OXR1: variants seen among roughly 807,000 people sequenced by gnomAD.
The protein encoded by OXR1 is oxidation resistance protein 1.
In OXR1, 41 loss-of-function variants were observed where a neutral mutation model predicts 104.6. That is an observed-to-expected ratio of 0.39 (90% CI 0.31 to 0.51). The LOEUF (loss-of-function observed/expected upper bound fraction) is 0.51. Ranked by LOEUF, OXR1 falls within the 20% of genes least tolerant of loss-of-function variation. OXR1 has a pLI of 0.77. For synonymous variants in OXR1, 348 were observed against 348.4 expected (o/e 1.00, Z 0.01); for missense variants, 955 against 1,031.9 (o/e 0.93, Z 1.02).
At chr8:106,748,337 T>C (rs1006613200) in intron 16 of OXR1, among the ~76,000 whole-genome samples, 1 of 152,216 alleles carries the variant, frequency 6.6e-6, no homozygotes, top group East Asian at 1.9e-4. Context: ...TATCACAGAC[T>C]CTGGATTGTT....
At chr8:106,602,529 G>C (rs1031879551) in intron 3 of OXR1, among the ~76,000 whole-genome samples, 2 of 152,176 alleles carry the variant, frequency 1.3e-5, no homozygotes, top group Admixed American at 6.5e-5. Context: ...GTGGATGGTG[G>C]TGCTGTCTAG....
chr8:106,586,804 T>A (rs1324094263), intron 3 of OXR1, among the ~76,000 whole-genome samples: 1 of 152,010 alleles, frequency 6.6e-6, no homozygotes, highest in Admixed American at 6.6e-5. Flanking sequence ...AAGATAGAGA[T>A]AAATGTGTTG....
chr8:106,357,524 C>T (rs1230540184), intron 1 of OXR1, among the ~76,000 whole-genome samples: 1 of 152,082 alleles, frequency 6.6e-6, no homozygotes, highest in Non-Finnish European at 1.5e-5. Context: ...ATGGTTCTTG[C>T]TTTATTCCTT....
intron 3 of OXR1, among the ~76,000 whole-genome samples, chr8:106,652,418 A>G (rs1448357496): frequency 6.6e-6 from 1 of 152,146 alleles, no homozygotes; most frequent in Non-Finnish European, 1.5e-5. Context: ...AATTGTACCA[A>G]GTATGTTCTC....
At chr8:106,554,886 T>C (rs1816143348) in intron 3 of OXR1, among the ~76,000 whole-genome samples, 1 of 152,224 alleles carries the variant, frequency 6.6e-6, no homozygotes, top group Admixed American at 6.5e-5. Flanking sequence ...TTGATATTTT[T>C]ATTTATTTTA....
chr8:106,513,558 C>G (rs145746529), intron 2 of OXR1, among the ~76,000 whole-genome samples: 136 of 152,288 alleles, frequency 8.9e-4, no homozygotes, highest in African/African-American at 3.0e-3. Context: ...ATCCTTCACT[C>G]CTCCCTCAAA....
intron 3 of OXR1, among the ~76,000 whole-genome samples, chr8:106,591,350 C>T (rs1221886222): frequency 1.9e-4 from 27 of 142,450 alleles, no homozygotes; most frequent in East Asian, 4.5e-4. Flanking sequence ...TGCTAAATGA[C>T]GAGTTAATGG....
At chr8:106,306,710 A>C in intron 1 of OXR1, among the ~76,000 whole-genome samples, 1 of 152,180 alleles carries the variant, frequency 6.6e-6, no homozygotes, top group East Asian at 1.9e-4. Flanking sequence ...AACAGACATC[A>C]GAAGAGGAGT....
chr8:106,682,782 T>G (rs1828307981), intron 4 of OXR1, among the ~76,000 whole-genome samples: 1 of 152,186 alleles, frequency 6.6e-6, no homozygotes, highest in South Asian at 2.1e-4. Context: ...ACAGAATATA[T>G]GCATAAAGAT....
chr8:106,509,328 G>A (rs934192533), intron 2 of OXR1, among the ~76,000 whole-genome samples: 1 of 152,172 alleles, frequency 6.6e-6, no homozygotes, highest in Non-Finnish European at 1.5e-5. Context: ...TTGGAAATTT[G>A]TGTAATTTCA....
At chr8:106,412,630 C>A (rs751929884) in intron 2 of OXR1, among the ~76,000 whole-genome samples, 7 of 151,982 alleles carry the variant, frequency 4.6e-5, no homozygotes, top group Non-Finnish European at 8.8e-5. Flanking sequence ...GGATTTTAGA[C>A]CCAAAACTTT....
At chr8:106,383,449 A>G (rs1817243942) in intron 2 of OXR1, among the ~76,000 whole-genome samples, 1 of 152,234 alleles carries the variant, frequency 6.6e-6, no homozygotes, top group African/African-American at 2.4e-5. Flanking sequence ...CCTGTAAGCC[A>G]GATGTGTGCC....
intron 3 of OXR1, among the ~76,000 whole-genome samples, chr8:106,543,215 GAATT>G (rs1815094714): frequency 6.6e-6 from 1 of 152,066 alleles, no homozygotes; most frequent in African/African-American, 2.4e-5. Flanking sequence ...ACTGTGCTTT[GAATT>G]AATTTAACTA....
chr8:106,571,186 C>A (rs540465239), intron 3 of OXR1, among the ~76,000 whole-genome samples: 1 of 152,050 alleles, frequency 6.6e-6, no homozygotes, highest in South Asian at 2.1e-4. Context: ...TTAGTTCGGG[C>A]TGCTGTAACA....
intron 3 of OXR1, among the ~76,000 whole-genome samples, chr8:106,666,272 T>C (rs1338337513): frequency 1.3e-5 from 2 of 152,160 alleles, no homozygotes; most frequent in African/African-American, 4.8e-5. Flanking sequence ...CTCAATAGAA[T>C]TTTTTGAGGT....
chr8:106,491,730 G>A (rs1414324514), intron 2 of OXR1, among the ~76,000 whole-genome samples: 2 of 152,118 alleles, frequency 1.3e-5, no homozygotes, highest in East Asian at 3.9e-4. Context: ...CTCCTAATGT[G>A]TGTGACTTCT....
chr8:106,714,553 C>T (rs1832047659), intron 11 of OXR1, among the ~76,000 whole-genome samples: 1 of 152,056 alleles, frequency 6.6e-6, no homozygotes, highest in African/African-American at 2.4e-5. Flanking sequence ...CTCAGATTTA[C>T]TGAACTTGTT....
chr8:106,564,274 G>A (rs536360870), intron 3 of OXR1, among the ~76,000 whole-genome samples: 5 of 152,002 alleles, frequency 3.3e-5, no homozygotes, highest in Admixed American at 6.5e-5. Context: ...TAATCAAATA[G>A]ACACAATAAA....
intron 3 of OXR1, among the ~76,000 whole-genome samples, chr8:106,665,211 A>G (rs1826154423): frequency 6.6e-6 from 1 of 152,128 alleles, no homozygotes; most frequent in Admixed American, 6.5e-5. Context: ...ACACACACAC[A>G]CACGCACACA....
Sources: gnomAD v4.1 joint callset for allele counts (sites outside exome capture counted in the v4.1 genomes callset) on GRCh38, gnomAD v4.1.1 for gene constraint, MANE v1.5 for transcripts, NCBI Gene and HGNC (gene_info 2026-07-23, HGNC 2026-07-21) for gene names.